Variants in TMEM237 observed in about 807,000 individuals in gnomAD.
TMEM237 encodes amyotrophic lateral sclerosis 2 (juvenile) chromosome region, candidate 4.
Under a neutral mutation model 59.1 loss-of-function variants are expected in TMEM237, and 51 were observed. The ratio of observed to expected loss-of-function variants is 0.86; its 90% confidence interval spans 0.69 to 1.09. The LOEUF is 1.09. TMEM237 is among the 50% of genes least tolerant of loss of function. The probability of loss-of-function intolerance (pLI) is 0.00; values close to 1 mark genes in which losing one functional copy is unlikely to be tolerated. For missense variants in TMEM237, 475 were observed against 478.3 expected, an observed-to-expected ratio of 0.99 and a Z score of 0.06; for synonymous variants, 140 against 166.1, an observed-to-expected ratio of 0.84 and a Z score of 1.21.
chr2:201,627,919 G>A (rs1221657249), intron 10 of TMEM237, among the ~76,000 whole-genome samples, 157 bp downstream of exon 10: 1 of 152,018 alleles, frequency 6.6e-6, no homozygotes, highest in Non-Finnish European at 1.5e-5. Flanking sequence ...TCAATATTAT[G>A]CCTTTTATGT....
chr2:201,642,250 A>G (rs1392386606), intron 1 of TMEM237, among the ~76,000 whole-genome samples: 1 of 152,246 alleles, frequency 6.6e-6, no homozygotes, highest in Admixed American at 6.5e-5. Context: ...TAAGACATTT[A>G]TTCAAAAGGG....
In TMEM237 at chr2:201,622,572, C is replaced by T. The variant is rs1198129875; in HGVS notation, c.*1683G>A. The stretch of plus-strand genomic sequence containing the variant: ...GGCTCATGGCCCCCTCTTCCATCTT[C>T]AAAGCCAGCAATATCATAACTTCTG... On this transcript the variant is annotated 3_prime_UTR_variant, in exon 13 of 13. Coordinates refer to ENST00000409883, the MANE Select transcript of TMEM237 (RefSeq NM_001044385.3). The T allele has an allele frequency of 1.3e-5, 2 of 152,562 alleles. No individual in the cohort carries two copies. Among genetic ancestry groups the T allele is most frequent in the Non-Finnish European group, 2.9e-5 (2 of 68,328 alleles). The allele number at this position is 152,562 out of a possible 1,614,324, so 9.5% of individuals were successfully genotyped here.
rs1256999779 is a variant in TMEM237, at chr2:201,623,740, G to A, written c.*515C>T. 2 of 152,632 alleles carry A rather than the reference G, an allele frequency of 1.3e-5. No homozygotes were observed. The highest frequency in any genetic ancestry group is 2.1e-4 in the South Asian group (1 of 4,828). 9.5% of individuals were successfully genotyped at this position (152,632 alleles called of 1,614,324 possible). On this transcript the variant is annotated 3_prime_UTR_variant, in exon 13 of 13. Transcript: ENST00000409883. ...TTCCCTTTTTATTGGTCATAATGTA[G>A]AGCATCTTTCAAGCTAAATTATATT...
intron 4 of TMEM237, 60 bp from the exon 5 acceptor site, chr2:201,636,945 A>G (rs1337988795): frequency 6.6e-7 from 1 of 1,504,080 alleles, no homozygotes; most frequent in Non-Finnish European, 8.9e-7. Context: ...CTGAATCTTA[A>G]AAAGATGGAG....
intron 1 of TMEM237, chr2:201,642,728 C>A (rs1055382508): frequency 1.3e-6 from 2 of 1,528,478 alleles, no homozygotes; most frequent in Non-Finnish European, 8.8e-7. Flanking sequence ...CATCGGGCCG[C>A]GCCGCCTGGC....
rs1276639785 is a variant in TMEM237, at chr2:201,621,646, T to C, written c.*2609A>G. The C allele has an allele frequency of 6.6e-6, 1 of 152,612 alleles. No individual in the cohort carries two copies. Among genetic ancestry groups the C allele is most frequent in the Non-Finnish European group, 1.5e-5 (1 of 68,038 alleles). The allele number at this position is 152,612 out of a possible 1,614,324, so 9.5% of individuals were successfully genotyped here. ...ATAACATTATTGAAATGACAGAGTT[T>C]TAGAAACTGAGCTCTTTGTACCTGG... is the stretch of plus-strand genomic sequence containing the variant. On this transcript the variant is annotated 3_prime_UTR_variant, in exon 13 of 13. Transcript: ENST00000409883.
intron 7 of TMEM237, chr2:201,631,127 T>C (rs993384785): frequency 6.6e-6 from 1 of 152,164 alleles, no homozygotes; most frequent in Non-Finnish European, 1.5e-5. Context: ...GCGAGGTCAC[T>C]GGGAGGTAAT....
chr2:201,638,589 G>A (rs372363826), intron 4 of TMEM237: 1 of 168,280 alleles, frequency 5.9e-6, no homozygotes. Flanking sequence ...TCAGACTCAT[G>A]CTGTAATGTA....
intron 5 of TMEM237, among the ~76,000 whole-genome samples, chr2:201,634,062 C>T (rs1337240227): frequency 3.3e-5 from 5 of 152,116 alleles, no homozygotes; most frequent in Admixed American, 2.6e-4. Context: ...ACAAATGCAC[C>T]GTGAGTCACC....
intron 11 of TMEM237, 101 bp from the exon 12 acceptor site, chr2:201,626,248 T>C: frequency 7.9e-7 from 1 of 1,259,080 alleles, no homozygotes; most frequent in Admixed American, 2.7e-5. Flanking sequence ...AGTCCTCTCC[T>C]AGAGAAATAA....
At position 201,632,183 on chromosome 2, in the gene TMEM237, A is replaced by G; in HGVS notation, c.421T>C (p.Tyr141His). Residue 141 changes from tyrosine to histidine, a missense_variant, in exon 7 of 13, where the codon TAT (tyrosine) becomes CAT (histidine). Tyr to His is a moderately conservative substitution (Grantham distance 83). Transcript: ENST00000409883. ...TCTTCTACTCCTAGCTCATTGGCAT[A>G]CTGTAATTCTGCTGGCTGGGTTTTC... ...TKKTQPAELQ[Y>H]ANELGVEDED... is the part of the protein sequence containing the mutation. The G allele has an allele frequency of 6.2e-7, 1 of 1,613,862 alleles. No individual in the cohort carries two copies. The highest frequency in any genetic ancestry group is 8.5e-7 in the Non-Finnish European group (1 of 1,179,816).
intron 11 of TMEM237, 158 bp from the exon 12 acceptor site, chr2:201,626,305 C>T: frequency 1.4e-6 from 1 of 738,984 alleles, no homozygotes; most frequent in Non-Finnish European, 2.1e-6. Flanking sequence ...AAATATACCA[C>T]ATATATAATG....
chr2:201,634,578 G>A (rs928216999), intron 5 of TMEM237, among the ~76,000 whole-genome samples: 2 of 152,092 alleles, frequency 1.3e-5, no homozygotes, highest in Non-Finnish European at 2.9e-5. Flanking sequence ...TATAAAACTA[G>A]GTATTGGTAT....
rs1386831347 is a variant in TMEM237, at chr2:201,625,382, A to AAAG, written c.1159+643_1159+644insCTT. 1.3e-3 allele frequency among the ~76,000 whole-genome samples: 197 copies of AAAG among 152,156 alleles called. 1 individual carries two copies. Among genetic ancestry groups the AAAG allele is most frequent in the African/African-American group, 4.3e-3 (180 of 41,460 alleles). ...ATCTCCAAAAATAAAAAATAAAAAAAAAAAGATATTCAAGGGTAAAACTGT... is the reference window on the plus strand; with the variant it reads ...ATCTCCAAAAATAAAAAATAAAAAAAAAGAAAAGATATTCAAGGGTAAAACTGT... On this transcript the variant is annotated intron_variant, in intron 12 of 12. Coordinates refer to ENST00000409883, the MANE Select transcript of TMEM237 (RefSeq NM_001044385.3).
intron 1 of TMEM237, chr2:201,642,628 C>G (rs761715650): frequency 6.2e-7 from 1 of 1,608,936 alleles, no homozygotes; most frequent in Admixed American, 1.7e-5. Context: ...CTTCCCCATT[C>G]TGCGTTTAGC....
At position 201,643,408 on chromosome 2, in the gene TMEM237, T is replaced by C; in HGVS notation, c.-8A>G. On this transcript the variant is annotated 5_prime_UTR_variant, in exon 1 of 13. Coordinates refer to ENST00000409883, the MANE Select transcript of TMEM237 (RefSeq NM_001044385.3). This position sits in a 1 kb window ranked among gnomAD's most constrained non-coding sequence, Gnocchi z 4.3. ...CCCCGAGTCAGTCCTCATGGTGCTC[T>C]CCCCGCGGGGCTGCCCCGGCGCAAC... 6.6e-7 allele frequency: 1 copy of C among 1,519,394 alleles called. No individual in the cohort carries two copies. The highest frequency in any genetic ancestry group is 8.8e-7 in the Non-Finnish European group (1 of 1,133,030). 94.1% of individuals were successfully genotyped at this position (1,519,394 alleles called of 1,614,324 possible).
At position 201,626,281 on chromosome 2, in the gene TMEM237, A is replaced by G. The variant is rs75707201; in HGVS notation, c.1038-134T>C. On this transcript the variant is annotated intron_variant, in intron 11 of 12. Transcript: ENST00000409883. The stretch of plus-strand genomic sequence containing the variant: ...TAACAAGTAAAGTGTGAAAGAAAAT[A>G]TAATTTCCCTGTAAAATATACCACA... 458 of 977,294 alleles carry G rather than the reference A, an allele frequency of 4.7e-4. 4 individuals carry two copies. In the African/African-American group the frequency reaches 6.2e-3, roughly 13 times the overall value. 60.5% of individuals were successfully genotyped at this position (977,294 alleles called of 1,614,324 possible).
rs773207226 is a variant in TMEM237, at chr2:201,629,223, G to T, written c.869+7C>A. 6.5e-7 allele frequency: 1 copy of T among 1,545,494 alleles called. No individual in the cohort carries two copies. Among genetic ancestry groups the T allele is most frequent in the Admixed American group, 2.1e-5 (1 of 46,600 alleles). ...AAGTTAGACAGATCTGGAGTCATAG[G>T]CATTACCTGTCAAAAGCTGAAATTG... is the stretch of plus-strand genomic sequence containing the variant. On this transcript the variant is annotated splice_region_variant and intron_variant, in intron 9 of 12. Coordinates refer to ENST00000409883, the MANE Select transcript of TMEM237 (RefSeq NM_001044385.3).
chr2:201,636,983 G>C (rs931310669), intron 4 of TMEM237, 98 bp from the exon 5 acceptor site: 8 of 1,219,358 alleles, frequency 6.6e-6, no homozygotes, highest in Non-Finnish European at 8.9e-6. Flanking sequence ...GTTTCCTATA[G>C]AATAACCCCA....
Sources: allele counts gnomAD v4.1 joint callset (sites outside exome capture counted in the v4.1 genomes callset), GRCh38; gene constraint gnomAD v4.1.1; non-coding constraint Gnocchi (gnomAD v3.1); transcripts MANE v1.5; gene names NCBI Gene and HGNC (gene_info 2026-07-23, HGNC 2026-07-21).